The following HACE1 variants were observed in gnomAD, a reference collection of about 807,000 sequenced individuals.
The protein encoded by HACE1 is HECT domain and ankyrin repeat containing E3 ubiquitin protein ligase 1.
A neutral mutation model predicts 118.4 loss-of-function variants in HACE1; 73 were observed. The observed-to-expected ratio is 0.62, with a 90% CI of 0.51 to 0.75. The LOEUF (loss-of-function observed/expected upper bound fraction) is 0.75. Among genes scored for constraint, HACE1 ranks in the 30% least tolerant of loss-of-function variants. The probability of loss-of-function intolerance (pLI) is 0.00; values close to 1 mark genes in which losing one functional copy is unlikely to be tolerated. For missense variants in HACE1, 749 were observed against 1,102.2 expected (o/e 0.68, Z 4.54); for synonymous variants, 368 against 374.8 (o/e 0.98, Z 0.21).
chr6:104,764,155 G>A (rs1779713289), intron 19 of HACE1, among the ~76,000 whole-genome samples: 1 of 152,148 alleles, frequency 6.6e-6, no homozygotes, highest in Non-Finnish European at 1.5e-5. Flanking sequence ...TTGGTTCACT[G>A]CAACCTCCAC....
Position 104,843,235 on chromosome 6 carries a change from T to G in HACE1, c.390A>C (p.Glu130Asp). ...TGATAGCACTTACTGCTGTAAGGCC[T>G]TCATTATTACAAATGTTGACATCAG... ...YSADVNICNN[E>D]GLTAIHWLAV... Residue 130 changes from glutamate to aspartate, a missense_variant, in exon 5 of 24, where the codon GAA becomes GAC. Physicochemically the swap from Glu to Asp is conservative, Grantham distance 45 (BLOSUM62 2). This residue lies in a region of HACE1 where 120 missense variants were observed against 219.1 expected (regional missense o/e 0.55). Coordinates refer to ENST00000262903, the MANE Select transcript of HACE1 (RefSeq NM_020771.4). 6.8e-7 allele frequency: 1 copy of G among 1,478,118 alleles called. No homozygotes were observed. The highest frequency in any genetic ancestry group is 9.5e-7 in the Non-Finnish European group (1 of 1,056,142). 91.6% of individuals were successfully genotyped at this position (1,478,118 alleles called of 1,614,324 possible). A position where few individuals can be genotyped will look rare whatever the true frequency, so the allele number is the denominator to read the frequency against.
At chr6:104,838,674 A>G (rs553707171) in intron 5 of HACE1, among the ~76,000 whole-genome samples, 1 of 152,148 alleles carries the variant, frequency 6.6e-6, no homozygotes, top group South Asian at 2.1e-4. Context: ...CCTTGAGCAA[A>G]TTTCTTGAGT....
rs377202781 is a variant in HACE1, at chr6:104,744,204, A to T, written c.2469T>A (p.Ile823=). Reference sequence around the variant, plus strand: ...AGAGAAGAACTCTCTCCTCTTGAGTAATGTCTTCTACAACTTCCCAGAACC... The same window carrying T: ...AGAGAAGAACTCTCTCCTCTTGAGTTATGTCTTCTACAACTTCCCAGAACC... The part of the protein sequence containing the change: ...IQWFWEVVED[I]TQEERVLLLQ... The change falls in exon 22 of 24, where the codon ATT becomes ATA. Residue 823 remains isoleucine, a synonymous_variant. Transcript: ENST00000262903. The T allele has an allele frequency of 2.5e-6, 4 of 1,603,930 alleles. No individual in the cohort carries two copies. The highest frequency in any genetic ancestry group is 3.4e-6 in the Non-Finnish European group (4 of 1,172,196).
chr6:104,841,898 G>T (rs957879069), intron 5 of HACE1, among the ~76,000 whole-genome samples: 9 of 151,878 alleles, frequency 5.9e-5, no homozygotes, highest in Non-Finnish European at 1.3e-4. Context: ...TAAAACTTTG[G>T]GATTTCAACA....
chr6:104,802,235 C>T (rs553627112), intron 7 of HACE1, among the ~76,000 whole-genome samples: 1 of 152,120 alleles, frequency 6.6e-6, no homozygotes, highest in South Asian at 2.1e-4. Context: ...TAGAGACATA[C>T]AAAGAGACTT....
At position 104,805,058 on chromosome 6, in the gene HACE1, A is replaced by C. The variant is rs1327226952; in HGVS notation, c.617+6253T>G. ...AAAATTGGGCAAAGGATATGAACAGACACTTCTCAAAAGAAGACAATTATG... is the reference window on the plus strand; with the variant it reads ...AAAATTGGGCAAAGGATATGAACAGCCACTTCTCAAAAGAAGACAATTATG... On this transcript the variant is annotated intron_variant, in intron 7 of 23. Coordinates refer to ENST00000262903, the MANE Select transcript of HACE1 (RefSeq NM_020771.4). 2.6e-5 allele frequency among the ~76,000 whole-genome samples: 4 copies of C among 152,366 alleles called. No homozygotes were observed. In the East Asian group the frequency reaches 7.7e-4, roughly 29 times the overall value.
rs964464566 is a variant in HACE1 at position 104,744,568 on chromosome 6, A to C, written c.2386T>G (p.Trp796Gly). ...SGMPEIDVSD[W>G]IKNTEYTSGY... ...CTTGTGTATTCTGTATTTTTTATCCAATCACTCACATCAATTTCTGGCATG... is the reference window on the plus strand; with the variant it reads ...CTTGTGTATTCTGTATTTTTTATCCCATCACTCACATCAATTTCTGGCATG... Residue 796 changes from tryptophan (W) to glycine (G), a missense_variant, in exon 21 of 24, where the codon TGG (tryptophan) becomes GGG (glycine). Transcript: ENST00000262903. The C allele has an allele frequency of 2.5e-6, 4 of 1,605,726 alleles. No homozygotes were observed. The African/African-American group carries it at 5.4e-5, about 21-fold the overall frequency.
chr6:104,842,969 G>A (rs1406912667), intron 5 of HACE1, among the ~76,000 whole-genome samples: 1 of 152,124 alleles, frequency 6.6e-6, no homozygotes, highest in Non-Finnish European at 1.5e-5. Context: ...AAAATTATCT[G>A]GACATGGTGG....
At chr6:104,779,243 A>G (rs1029076024) in intron 14 of HACE1, among the ~76,000 whole-genome samples, 3 of 152,186 alleles carry the variant, frequency 2.0e-5, no homozygotes, top group Non-Finnish European at 4.4e-5. Context: ...AGAGATAAAT[A>G]TGATGAATAC....
intron 5 of HACE1, among the ~76,000 whole-genome samples, chr6:104,836,419 G>T (rs562046348): frequency 6.6e-6 from 1 of 152,240 alleles, no homozygotes; most frequent in South Asian, 2.1e-4. Context: ...AAACTGCGAA[G>T]AAAGAAATAA....
chr6:104,735,580 G>A (rs557309005), intron 22 of HACE1, among the ~76,000 whole-genome samples: 4 of 151,932 alleles, frequency 2.6e-5, no homozygotes, highest in South Asian at 2.1e-4. Context: ...ACAGTGAGCC[G>A]AGATGGCGCC....
chr6:104,731,562 C>T (rs926935454), intron 22 of HACE1: 3 of 152,046 alleles, frequency 2.0e-5, no homozygotes, highest in African/African-American at 7.2e-5. Context: ...AATAACCCCT[C>T]ACATACATAA....
At chr6:104,859,483 C>T (rs1777090343) in intron 1 of HACE1, 84 bp downstream of exon 1, 2 of 1,049,192 alleles carry the variant, frequency 1.9e-6, no homozygotes, top group Non-Finnish European at 2.7e-6. Flanking sequence ...TTAGTTTTTC[C>T]ACCCGACCTT....
At position 104,783,945 on chromosome 6, in the gene HACE1, T is replaced by C. The variant is rs757162332; in HGVS notation, c.1566+141A>G. On this transcript the variant is annotated intron_variant, in intron 14 of 23. Transcript: ENST00000262903. ...CAGTACATATTTCTTGAAGAAAACTTACTCCTCATATTAAAGTAACATGCA... is the reference window on the plus strand; with the variant it reads ...CAGTACATATTTCTTGAAGAAAACTCACTCCTCATATTAAAGTAACATGCA... 24 of 654,418 alleles carry C rather than the reference T, an allele frequency of 3.7e-5. 1 individual carries two copies. Among genetic ancestry groups the C allele is most frequent in the Non-Finnish European group, 6.1e-5 (22 of 362,204 alleles). 40.5% of individuals were successfully genotyped at this position (654,418 alleles called of 1,614,324 possible). A position where few individuals can be genotyped will look rare whatever the true frequency, so the allele number is the denominator to read the frequency against.
intron 7 of HACE1, among the ~76,000 whole-genome samples, chr6:104,809,377 T>C (rs904462430): frequency 1.3e-5 from 2 of 152,136 alleles, no homozygotes; most frequent in Non-Finnish European, 2.9e-5. Flanking sequence ...AGTTACTTAA[T>C]TAAGCAGTAA....
chr6:104,786,725 A>T (rs1180948306), intron 11 of HACE1: 2 of 152,092 alleles, frequency 1.3e-5, no homozygotes, highest in African/African-American at 4.8e-5. Flanking sequence ...TTCATCCTAC[A>T]CTATTTTAAA....
At chr6:104,758,338 A>G (rs1012552079) in intron 19 of HACE1, among the ~76,000 whole-genome samples, 2 of 152,254 alleles carry the variant, frequency 1.3e-5, no homozygotes, top group African/African-American at 2.4e-5. Flanking sequence ...CCATCAGACT[A>G]TCAGCAGATC....
intron 19 of HACE1, among the ~76,000 whole-genome samples, chr6:104,762,695 T>C (rs1779513773): frequency 6.6e-6 from 1 of 152,076 alleles, no homozygotes; most frequent in Admixed American, 6.5e-5. Context: ...ACTTAAAGTA[T>C]AATTTTAAAA....
chr6:104,825,777 T>C (rs1287992364), intron 6 of HACE1, among the ~76,000 whole-genome samples: 1 of 152,188 alleles, frequency 6.6e-6, no homozygotes, highest in Admixed American at 6.5e-5. Context: ...TATACTTTTG[T>C]TTTCAATAAA....
Sources: allele counts gnomAD v4.1 joint callset (sites outside exome capture counted in the v4.1 genomes callset), GRCh38; gene constraint gnomAD v4.1.1; regional missense constraint gnomAD v4.1.1; transcripts MANE v1.5; gene names NCBI Gene and HGNC (gene_info 2026-07-23, HGNC 2026-07-21).